Variants in DENND1B observed in about 807,000 individuals in gnomAD.
DENND1B encodes DENN domain-containing protein 1B.
DENND1B carries 59 observed loss-of-function variants against 90.1 expected under a neutral mutation model. The ratio of observed to expected loss-of-function variants is 0.65; its 90% CI spans 0.53 to 0.81. The LOEUF (loss-of-function observed/expected upper bound fraction) is 0.81. Ranked by LOEUF, DENND1B falls within the 40% of genes least tolerant of loss-of-function variation. DENND1B has a pLI of 0.00. For synonymous variants in DENND1B, 337 were observed against 324.6 expected (o/e 1.04, Z -0.41); for missense variants, 862 against 912.6 (o/e 0.94, Z 0.71).
intron 13 of DENND1B, among the ~76,000 whole-genome samples, chr1:197,601,903 G>T (rs930028333): frequency 6.6e-6 from 1 of 151,378 alleles, no homozygotes; most frequent in African/African-American, 2.4e-5. Flanking sequence ...ACAGTTGGGA[G>T]AACAGCAAAA....
chr1:197,634,411 G>A (rs1322742623), intron 10 of DENND1B, among the ~76,000 whole-genome samples: 1 of 152,004 alleles, frequency 6.6e-6, no homozygotes, highest in African/African-American at 2.4e-5. Context: ...CCTTAAATGA[G>A]GAACGATTCA....
At chr1:197,774,355 G>T (rs992709778) in intron 1 of DENND1B, 25 of 152,186 alleles carry the variant, frequency 1.6e-4, no homozygotes, top group Admixed American at 4.6e-4. Flanking sequence ...TTGAGAAGGA[G>T]ATAGTAAAGG....
intron 22 of DENND1B, 109 bp downstream of exon 22, chr1:197,511,615 TTACC>T: frequency 1.5e-6 from 1 of 648,434 alleles, no homozygotes; most frequent in Non-Finnish European, 2.4e-6. Flanking sequence ...GTTTTGACCC[TTACC>T]TACTTAGAGG....
intron 18 of DENND1B, among the ~76,000 whole-genome samples, chr1:197,544,080 A>G (rs1670538230): frequency 6.6e-6 from 1 of 152,176 alleles, no homozygotes; most frequent in South Asian, 2.1e-4. Flanking sequence ...AAGTTACTAG[A>G]CTAGTATTGA....
At chr1:197,579,942 TA>T (rs1674048906) in intron 15 of DENND1B, among the ~76,000 whole-genome samples, 1 of 152,096 alleles carries the variant, frequency 6.6e-6, no homozygotes, top group Non-Finnish European at 1.5e-5. Flanking sequence ...TTCAACATGT[TA>T]AACATGGCTA....
chr1:197,768,401 G>A (rs945478745), intron 2 of DENND1B, among the ~76,000 whole-genome samples: 3 of 152,120 alleles, frequency 2.0e-5, no homozygotes, highest in Admixed American at 6.6e-5. Flanking sequence ...TTTTATTGAC[G>A]AAAAGTTACT....
intron 12 of DENND1B, 140 bp from the exon 13 acceptor site, chr1:197,607,314 A>G (rs1431056894): frequency 4.1e-6 from 2 of 490,282 alleles, no homozygotes; most frequent in Non-Finnish European, 6.8e-6. Context: ...ATGAAAGGAT[A>G]GAAACAACTT....
At chr1:197,671,409 C>G (rs1655491760) in intron 5 of DENND1B, among the ~76,000 whole-genome samples, 1 of 152,152 alleles carries the variant, frequency 6.6e-6, no homozygotes, top group Non-Finnish European at 1.5e-5. Flanking sequence ...TTAGGCAGGA[C>G]AGATAGGACC....
chr1:197,590,732 T>C (rs1218457650), intron 14 of DENND1B, among the ~76,000 whole-genome samples: 1 of 152,176 alleles, frequency 6.6e-6, no homozygotes, highest in Non-Finnish European at 1.5e-5. Flanking sequence ...AGTGGGTATT[T>C]TTCTCATAAT....
At chr1:197,515,210 C>G (rs1295414327) in intron 20 of DENND1B, among the ~76,000 whole-genome samples, 1 of 151,664 alleles carries the variant, frequency 6.6e-6, no homozygotes, top group Non-Finnish European at 1.5e-5. Context: ...AAAATATGCT[C>G]TTATAACCCC....
At chr1:197,629,715 T>C (rs1679150341) in intron 10 of DENND1B, among the ~76,000 whole-genome samples, 1 of 151,686 alleles carries the variant, frequency 6.6e-6, no homozygotes, top group African/African-American at 2.4e-5. Context: ...TGAATAAATT[T>C]AAAATTTTTG....
chr1:197,639,160 T>G (rs1680058527), intron 10 of DENND1B, among the ~76,000 whole-genome samples: 1 of 151,364 alleles, frequency 6.6e-6, no homozygotes, highest in African/African-American at 2.4e-5. Flanking sequence ...GTCTCCCGGG[T>G]TCAAGTGATT....
At chr1:197,781,870 T>C in the DENND1B span, among the ~76,000 whole-genome samples, 1 of 152,246 alleles carries the variant, frequency 6.6e-6, no homozygotes, top group Non-Finnish European at 1.5e-5. Flanking sequence ...TTGTATATCT[T>C]GCTGTTAAAC....
chr1:197,679,397 T>C (rs1656423421), intron 3 of DENND1B, among the ~76,000 whole-genome samples: 1 of 151,226 alleles, frequency 6.6e-6, no homozygotes, highest in Admixed American at 6.6e-5. Flanking sequence ...CAATATACTA[T>C]AACAACTATT....
chr1:197,770,372 A>G (rs1656269101), intron 2 of DENND1B, among the ~76,000 whole-genome samples: 1 of 152,056 alleles, frequency 6.6e-6, no homozygotes, highest in African/African-American at 2.4e-5. Flanking sequence ...GGGCAGAAGT[A>G]GAAGATACAA....
intron 13 of DENND1B, among the ~76,000 whole-genome samples, chr1:197,602,856 G>T (rs558436695): frequency 6.6e-6 from 1 of 151,420 alleles, no homozygotes; most frequent in Admixed American, 6.6e-5. Context: ...GTTTTCTCCA[G>T]TTCTTACATG....
At chr1:197,560,686 G>T (rs1672088389) in intron 15 of DENND1B, among the ~76,000 whole-genome samples, 1 of 151,806 alleles carries the variant, frequency 6.6e-6, no homozygotes, top group African/African-American at 2.4e-5. Context: ...AATCCCATCA[G>T]CCATAATGAC....
At chr1:197,672,661 ACCC>A in intron 4 of DENND1B, among the ~76,000 whole-genome samples, 1 of 152,028 alleles carries the variant, frequency 6.6e-6, no homozygotes, top group Middle Eastern at 3.4e-3. Context: ...CTACAAAAAT[ACCC>A]TTGTTATATT....
Position 197,695,248 on chromosome 1 carries a change from G to T in DENND1B, c.126+19783C>A, listed in dbSNP as rs926087319. Among the ~76,000 whole-genome samples the T allele has an allele frequency of 3.3e-5, 5 of 150,802 alleles. No homozygotes were observed. The South Asian group carries it at 8.3e-4, about 25-fold the overall frequency. ...TACTTTTATACATTTTTCCACGTTT[G>T]CCCCTTATAATGTTTCGTTCTGATT... On this transcript the variant is annotated intron_variant, in intron 3 of 22. Transcript: ENST00000620048.
Sources: allele counts gnomAD v4.1 joint callset (sites outside exome capture counted in the v4.1 genomes callset), GRCh38; gene constraint gnomAD v4.1.1; transcripts MANE v1.5; gene names NCBI Gene and HGNC (gene_info 2026-07-23, HGNC 2026-07-21).